Variants in CACNA1F observed in about 807,000 individuals in gnomAD.
CACNA1F encodes voltage-dependent L-type calcium channel subunit alpha-1F.
A neutral mutation model predicts 143.8 loss-of-function variants in CACNA1F; 59 were observed. The ratio of observed to expected loss-of-function variants is 0.41; its 90% CI spans 0.33 to 0.51. The LOEUF is 0.51. Ranked by LOEUF, CACNA1F falls within the 20% of genes least tolerant of loss-of-function variation. The pLI is 0.22. For missense variants in CACNA1F, 1,411 were observed against 1,647.5 expected (o/e 0.86, Z 2.48); for synonymous variants, 643 against 649.1 (o/e 0.99, Z 0.14).
rs958048051 is a variant in CACNA1F, at chrX:49,211,009, A to C, written c.4344T>G (p.Leu1448=). Residue 1448 remains leucine (L), a synonymous_variant, in exon 37 of 48, where the codon CTT becomes CTG. Transcript: ENST00000323022. The part of the protein sequence containing the change: ...RDWSILGPHH[L]DEFKRIWSEY... ...CAGACCAGATCCTCTTGAATTCATC[A>C]AGGTGATGGGGGCCCAGGATGGACC... The C allele has an allele frequency of 1.7e-6, 2 of 1,205,711 alleles. No individual in the cohort carries two copies. Among genetic ancestry groups the C allele is most frequent in the African/African-American group, 3.5e-5 (2 of 56,971 alleles).
intron 34 of CACNA1F, 57 bp from the exon 35 acceptor site, chrX:49,212,046 ACCT>A: frequency 1.1e-6 from 1 of 929,474 alleles, no homozygotes; most frequent in Non-Finnish European, 1.6e-6. Flanking sequence ...CCCATTTCAC[ACCT>A]CCTAATACCT....
In CACNA1F at chrX:49,206,721, C is replaced by T; in HGVS notation, c.5359+7G>A. On this transcript the variant is annotated splice_region_variant and intron_variant, in intron 45 of 47. Transcript: ENST00000323022. ...TGGGGGCCCCTTGGATCCATCCCTG[C>T]TCTCACCTGCAGGTGTGGGGGGCAG... 8.3e-7 allele frequency: 1 copy of T among 1,204,774 alleles called. No individual in the cohort carries two copies. Among genetic ancestry groups the T allele is most frequent in the Non-Finnish European group, 1.1e-6 (1 of 891,251 alleles).
chrX:49,217,364 C>T (rs900558468), intron 26 of CACNA1F, among the ~76,000 whole-genome samples: 7 of 112,849 alleles, frequency 6.2e-5, no homozygotes, highest in Non-Finnish European at 1.1e-4. Context: ...CACTGTTTAG[C>T]CCCGTTTTTC....
chrX:49,228,330 T>C lies in CACNA1F; in HGVS notation c.935A>G (p.Asn312Ser), dbSNP rs904954978. The C allele has an allele frequency of 8.3e-7, 1 of 1,210,333 alleles. No individual in the cohort carries two copies. Among genetic ancestry groups the C allele is most frequent in the East Asian group, 3.0e-5 (1 of 33,773 alleles). ...CATGGCGAAGAAGAAGTTGTCAAAG[T>C]TGGTGATGCCTCCATTGGGCCCTGG... ...RWPGPNGGIT[N>S]FDNFFFAMLT... The change falls in exon 7 of 48, where the codon AAC (asparagine) becomes AGC (serine). Residue 312 changes from asparagine (N) to serine (S), a missense_variant. By Grantham distance (46) the Asn-to-Ser change is conservative. Transcript: ENST00000323022.
chrX:49,209,580 C>T (rs1557105715), intron 41 of CACNA1F, 49 bp downstream of exon 41: 2 of 1,204,497 alleles, frequency 1.7e-6, no homozygotes, highest in South Asian at 1.8e-5. Flanking sequence ...CAGCCTCAGC[C>T]ACAGCACTGC....
rs2065751611 is a variant in CACNA1F, at chrX:49,219,340, G to A, written c.2654C>T (p.Ala885Val). ...GCTCACATGGTTGCGGAAGGAGTGG[G>A]CTCGGATGGGGTCCTCAGCGGCCAG... is the stretch of plus-strand genomic sequence containing the variant. ...VSLAAEDPIR[A>V]HSFRNHILGY... The change falls in exon 21 of 48, where the codon GCC becomes GTC. Residue 885 changes from alanine to valine, a missense_variant. This residue lies in a region of CACNA1F where 950 missense variants were observed against 1,128.1 expected (regional missense o/e 0.84). Transcript: ENST00000323022. 3 of 1,208,777 alleles carry A rather than the reference G, an allele frequency of 2.5e-6. No individual in the cohort carries two copies. Among genetic ancestry groups the A allele is most frequent in the Non-Finnish European group, 2.2e-6 (2 of 894,260 alleles).
Position 49,231,109 on chromosome X carries a change from C to A in CACNA1F, c.381+93G>T. ...TGGGGCTGAGCCAGGCAGGGCCATCCGGGTCAGAGAGGGGGCGGGGTCTGG... is the reference window on the plus strand; with the variant it reads ...TGGGGCTGAGCCAGGCAGGGCCATCAGGGTCAGAGAGGGGGCGGGGTCTGG... On this transcript the variant is annotated intron_variant, in intron 3 of 47. Transcript: ENST00000323022. 5.1e-6 allele frequency: 4 copies of A among 784,907 alleles called. No homozygotes were observed. The East Asian group carries it at 1.0e-4, about 20-fold the overall frequency. The allele number at this position is 784,907 out of a possible 1,213,427, so 64.7% of individuals were successfully genotyped here.
Position 49,219,660 on chromosome X carries a change from G to T in CACNA1F, c.2517C>A (p.Ala839=). 1 of 1,205,774 alleles carries T rather than the reference G, an allele frequency of 8.3e-7. No individual in the cohort carries two copies. Among genetic ancestry groups the T allele is most frequent in the Non-Finnish European group, 1.1e-6 (1 of 892,609 alleles). ...EKVVPIPEGS[A]FFCLSQTNPL... is the part of the protein sequence containing the mutation. ...GGTTGGTTTGGCTGAGGCAGAAGAA[G>T]GCGCTGCCCTCAGGGATGGGTACCA... The change falls in exon 20 of 48, where the codon GCC becomes GCA. Residue 839 remains alanine, a synonymous_variant. Coordinates refer to ENST00000323022, the MANE Select transcript of CACNA1F (RefSeq NM_001256789.3).
chrX:49,220,079 T>C (rs1402916705), intron 19 of CACNA1F, among the ~76,000 whole-genome samples: 4 of 111,505 alleles, frequency 3.6e-5, no homozygotes, highest in African/African-American at 1.3e-4. Flanking sequence ...GTTTCTCTTC[T>C]TCTTGTTTTT....
intron 42 of CACNA1F, chrX:49,209,057 G>A: frequency 2.2e-6 from 1 of 452,010 alleles, no homozygotes; most frequent in Non-Finnish European, 3.8e-6. Flanking sequence ...GAACCCTAGG[G>A]TTCAAGCGAT....
rs1557105732 is a variant in CACNA1F, at chrX:49,209,645, G to A, written c.4805C>T (p.Thr1602Ile). 8.3e-7 allele frequency: 1 copy of A among 1,211,379 alleles called. No homozygotes were observed. The highest frequency in any genetic ancestry group is 1.1e-6 in the Non-Finnish European group (1 of 895,145). Residue 1602 changes from threonine to isoleucine, a missense_variant, in exon 41 of 48, where the codon ACC becomes ATC. By Grantham distance (89) the Thr-to-Ile change is moderately conservative (BLOSUM62 -1). This residue lies in a region of CACNA1F where 349 missense variants were observed against 350.2 expected (regional missense o/e 1.00). Coordinates refer to ENST00000323022, the MANE Select transcript of CACNA1F (RefSeq NM_001256789.3). ...CCCGAAGACCTGAAGGGCGGAAGAG[G>A]TGCTAGGGGCGGCGTCGTTGCCTAG... ...GLLGNDAAPS[T>I]SSALQAGLRS...
chrX:49,232,416 C>G (rs17148327), intron 1 of CACNA1F, among the ~76,000 whole-genome samples: 1 of 111,379 alleles, frequency 9.0e-6, no homozygotes, highest in Non-Finnish European at 1.9e-5. Flanking sequence ...CCCATGGTCT[C>G]GTTTCAGCCT....
rs782623769 is a variant in CACNA1F at position 49,206,523 on chromosome X, G to A, written c.5460C>T (p.Pro1820=). Reference sequence around the variant, plus strand: ...TCCACAGCCTCACCTGAGCCCTATTGGGCCCTGAATTTCGCCCACGATGAT... The same window carrying A: ...TCCACAGCCTCACCTGAGCCCTATTAGGCCCTGAATTTCGCCCACGATGAT... ...GTYHRGRNSG[P]NRAQGSWATP... Residue 1820 remains proline (P), a synonymous_variant, in exon 46 of 48, where the codon CCC becomes CCT. Transcript: ENST00000323022. The A allele has an allele frequency of 4.2e-6, 5 of 1,199,544 alleles. No individual in the cohort carries two copies. Among genetic ancestry groups the A allele is most frequent in the Non-Finnish European group, 1.1e-6 (1 of 886,279 alleles).
At chrX:49,227,938 T>C in intron 8 of CACNA1F, 98 bp downstream of exon 8, 1 of 588,534 alleles carries the variant, frequency 1.7e-6, no homozygotes, top group Non-Finnish European at 2.9e-6. Flanking sequence ...TGAAGGAGTA[T>C]TTCAGATGGG....
intron 17 of CACNA1F, 65 bp downstream of exon 17, chrX:49,222,457 G>C (rs2065782569): frequency 5.4e-6 from 5 of 932,357 alleles, no homozygotes; most frequent in South Asian, 2.0e-5. Flanking sequence ...TGGTGGGGGT[G>C]TCTGAGGGGT....
In CACNA1F at chrX:49,227,652, C is replaced by A. The variant is rs782362699; in HGVS notation, c.1118+384G>T. ...CTTTCACATTTTTACTCAAATAACACCTTGTCAAGACAGCCTTTCCTGACA... is the reference window on the plus strand; with the variant it reads ...CTTTCACATTTTTACTCAAATAACAACTTGTCAAGACAGCCTTTCCTGACA... On this transcript the variant is annotated intron_variant, in intron 8 of 47. Transcript: ENST00000323022. 2.7e-5 allele frequency among the ~76,000 whole-genome samples: 3 copies of A among 112,427 alleles called. No individual in the cohort carries two copies. The Admixed American group carries it at 2.8e-4, about 11-fold the overall frequency.
At chrX:49,206,697 G>A in intron 45 of CACNA1F, 31 bp downstream of exon 45, 1 of 1,205,990 alleles carries the variant, frequency 8.3e-7, no homozygotes, top group Non-Finnish European at 1.1e-6. Flanking sequence ...GCAGGCCCGT[G>A]GGGGCCCCTT....
chrX:49,209,276 A>G lies in CACNA1F; in HGVS notation c.4939T>C (p.Leu1647=). 3 of 1,200,353 alleles carry G rather than the reference A, an allele frequency of 2.5e-6. No homozygotes were observed. The highest frequency in any genetic ancestry group is 3.4e-6 in the Non-Finnish European group (3 of 887,037). ...EGVEEEDEKD[L]ETNKATMVSQ... is the part of the protein sequence containing the mutation. ...CTTGTCCCCACTTTGTTAGTTTCCA[A>G]GTCCTTTTCATCTTCCTCCTCCACT... Residue 1647 remains leucine, a synonymous_variant, in exon 42 of 48, where the codon TTG becomes CTG. Coordinates refer to ENST00000323022, the MANE Select transcript of CACNA1F (RefSeq NM_001256789.3).
chrX:49,215,878 C>T (rs2065710563), intron 27 of CACNA1F, among the ~76,000 whole-genome samples: 2 of 108,820 alleles, frequency 1.8e-5, no homozygotes, highest in African/African-American at 6.7e-5. Flanking sequence ...TTGGAGACCC[C>T]CATGCGCCTC....
Sources: allele counts gnomAD v4.1 joint callset (sites outside exome capture counted in the v4.1 genomes callset), GRCh38; gene constraint gnomAD v4.1.1; regional missense constraint gnomAD v4.1.1; transcripts MANE v1.5; gene names NCBI Gene and HGNC (gene_info 2026-07-23, HGNC 2026-07-21).